Variants in STAM2 observed in about 807,000 individuals in gnomAD.
STAM2 encodes the protein signal transducing adapter molecule 2.
STAM2 carries 51 observed loss-of-function variants against 65.6 expected under a neutral mutation model. The ratio of observed to expected loss-of-function variants is 0.78; its 90% CI spans 0.62 to 0.98. STAM2 has a LOEUF of 0.98. Among genes scored for constraint, STAM2 ranks in the 50% least tolerant of loss-of-function variants. The probability of loss-of-function intolerance (pLI) is 0.00; values close to 1 mark genes in which losing one functional copy is unlikely to be tolerated. For synonymous variants in STAM2, 198 were observed against 208.4 expected, an observed-to-expected ratio of 0.95 and a Z score of 0.43; for missense variants, 584 against 617.8, an observed-to-expected ratio of 0.95 and a Z score of 0.58.
Position 152,164,843 on chromosome 2 carries a change from C to A in STAM2, c.40+10760G>T, listed in dbSNP as rs192246520. On this transcript the variant is annotated intron_variant, in intron 1 of 13. Coordinates refer to ENST00000263904, the MANE Select transcript of STAM2 (RefSeq NM_005843.6). ...AGGGGGAAAAACACATAAAAATTACCTTTTACTGTCCTTTAATATTTTAAA... is the reference window on the plus strand; with the variant it reads ...AGGGGGAAAAACACATAAAAATTACATTTTACTGTCCTTTAATATTTTAAA... Among the ~76,000 whole-genome samples the A allele has an allele frequency of 1.2e-3, 177 of 152,210 alleles. 1 individual carries two copies. The highest frequency in any genetic ancestry group is 2.4e-3 in the Admixed American group (36 of 15,280).
rs889280664 is a variant in STAM2, at chr2:152,143,884, A to G, written c.647T>C (p.Val216Ala). ...KVRALYDFEA[V>A]EDNELTFKHG... ...TTTAAAGGTGAGTTCATTGTCCTCA[A>G]CAGCTTCAAAATCATATAAAGCTCT... Residue 216 changes from valine (V) to alanine (A), a missense_variant, in exon 7 of 14, where the codon GTT becomes GCT. By Grantham distance (64) the Val-to-Ala change is moderately conservative. Coordinates refer to ENST00000263904, the MANE Select transcript of STAM2 (RefSeq NM_005843.6). The G allele has an allele frequency of 1.2e-6, 2 of 1,613,608 alleles. No homozygotes were observed. The highest frequency in any genetic ancestry group is 1.7e-5 in the Admixed American group (1 of 59,968).
At chr2:152,135,858 G>C (rs1481879629) in intron 7 of STAM2, among the ~76,000 whole-genome samples, 2 of 152,160 alleles carry the variant, frequency 1.3e-5, no homozygotes, top group Admixed American at 6.5e-5. Flanking sequence ...GGGAGGCCAA[G>C]GTGGACAGAT....
At chr2:152,131,374 A>C (rs1183105908) in intron 11 of STAM2, among the ~76,000 whole-genome samples, 1 of 151,902 alleles carries the variant, frequency 6.6e-6, no homozygotes, top group Non-Finnish European at 1.5e-5. Context: ...AATTGCTTGA[A>C]CCGGGGAGGC....
intron 1 of STAM2, among the ~76,000 whole-genome samples, chr2:152,162,827 T>C (rs1487514631): frequency 6.6e-6 from 1 of 151,706 alleles, no homozygotes; most frequent in Admixed American, 6.6e-5. Context: ...TTTTTAATTT[T>C]TGTATTTTTA....
chr2:152,164,502 C>T (rs1334870407), intron 1 of STAM2, among the ~76,000 whole-genome samples: 2 of 152,120 alleles, frequency 1.3e-5, no homozygotes, highest in Non-Finnish European at 2.9e-5. Context: ...GCCACCACGC[C>T]GGGCTAATTT....
chr2:152,156,268 T>C (rs1048586026), intron 1 of STAM2, among the ~76,000 whole-genome samples: 8 of 152,216 alleles, frequency 5.3e-5, no homozygotes, highest in Non-Finnish European at 7.3e-5. Context: ...AGACTCACAA[T>C]TACTCTTTTT....
At chr2:152,135,625 T>C in intron 7 of STAM2, 22 bp from the exon 8 acceptor site, 1 of 1,476,344 alleles carries the variant, frequency 6.8e-7, no homozygotes, top group Non-Finnish European at 9.4e-7. Flanking sequence ...GTGCAAAAAA[T>C]ATCATTTGTT....
rs573710581 is a variant in STAM2, at chr2:152,167,331, T to C, written c.40+8272A>G. Among the ~76,000 whole-genome samples, 8 of 152,276 alleles carry C rather than the reference T, an allele frequency of 5.3e-5. No homozygotes were observed. In the South Asian group the frequency reaches 1.0e-3, roughly 20 times the overall value. The stretch of plus-strand genomic sequence containing the variant: ...CAGAGAGGTGCTTGTCCTTTAAGCA[T>C]AGCAGCCACAGACCCATTAAGAAAA... On this transcript the variant is annotated intron_variant, in intron 1 of 13. Transcript: ENST00000263904.
In STAM2 at chr2:152,118,661, T is replaced by C. The variant is rs1688796245; in HGVS notation, c.*1913A>G. 2.0e-5 allele frequency: 3 copies of C among 151,868 alleles called. No individual in the cohort carries two copies. The highest frequency in any genetic ancestry group is 7.2e-5 in the African/African-American group (3 of 41,524). 9.4% of individuals were successfully genotyped at this position (151,868 alleles called of 1,614,324 possible). A position where few individuals can be genotyped will look rare whatever the true frequency, so the allele number is the denominator to read the frequency against. On this transcript the variant is annotated 3_prime_UTR_variant, in exon 14 of 14. Transcript: ENST00000263904. Reference sequence around the variant, plus strand: ...GAGAAAAAAAGTAAGAAATTCCATATATATGCAAATGTTGACTATTATCGA... The same window carrying C: ...GAGAAAAAAAGTAAGAAATTCCATACATATGCAAATGTTGACTATTATCGA...
At chr2:152,150,860 A>G (rs537929941) in intron 1 of STAM2, among the ~76,000 whole-genome samples, 69 of 152,212 alleles carry the variant, frequency 4.5e-4, no homozygotes, top group African/African-American at 1.5e-3. Flanking sequence ...ACTGTCCAAT[A>G]AAGCATTGGT....
Position 152,144,909 on chromosome 2 carries a change from CTT to C in STAM2, c.494_495del (p.Lys165ArgfsTer3), listed in dbSNP as rs754495705. The C allele has an allele frequency of 1.1e-5, 17 of 1,613,872 alleles. No individual in the cohort carries two copies. Among genetic ancestry groups the C allele is most frequent in the South Asian group, 3.3e-5 (3 of 91,068 alleles). Reference protein sequence around the residue: ...AKNGTSSNKNKEDEDIAKAIE... With the variant: ...AKNGTSSNKNXEDEDIAKAIE... Reference sequence around the variant, plus strand: ...TTACCTTTAGCTATGTCTTCATCCTCTTTGTTTTTGTTCGATGACGTACCATT... The same window carrying C: ...TTACCTTTAGCTATGTCTTCATCCTCTGTTTTTGTTCGATGACGTACCATT... On this transcript the variant is annotated frameshift_variant, in exon 6 of 14. Transcript: ENST00000263904. LOFTEE classifies it high-confidence loss of function.
At chr2:152,144,082 G>T in intron 6 of STAM2, 69 bp from the exon 7 acceptor site, 8 of 1,167,702 alleles carry the variant, frequency 6.9e-6, no homozygotes, top group East Asian at 4.8e-5. Context: ...AGATGACAAT[G>T]TAAAATTTAA....
chr2:152,153,885 TACAC>T (rs70974824), intron 1 of STAM2, among the ~76,000 whole-genome samples: 4,127 of 144,858 alleles, frequency 0.028, 95 homozygotes, highest in African/African-American at 0.058. Flanking sequence ...AGACATTACA[TACAC>T]ACACACACAC....
intron 10 of STAM2, among the ~76,000 whole-genome samples, chr2:152,132,402 T>A (rs1357191947): frequency 6.6e-6 from 1 of 152,200 alleles, no homozygotes; most frequent in African/African-American, 2.4e-5. Context: ...AACTATTAAC[T>A]AAGTTGACAG....
At chr2:152,171,597 T>C (rs538462381) in intron 1 of STAM2, among the ~76,000 whole-genome samples, 1 of 152,372 alleles carries the variant, frequency 6.6e-6, no homozygotes, top group South Asian at 2.1e-4. Flanking sequence ...TGCATTTCAC[T>C]GGAGAAAGTC....
rs1579305717 is a variant in STAM2 at position 152,118,072 on chromosome 2, T to C, written c.*2502A>G. ...TGCATTAATAAAATTCATTCTATTA[T>C]AAATTTTCAGGAATTCTTTCTGATG... On this transcript the variant is annotated 3_prime_UTR_variant, in exon 14 of 14. Transcript: ENST00000263904. 3 of 152,254 alleles carry C rather than the reference T, an allele frequency of 2.0e-5. No individual in the cohort carries two copies. In the East Asian group the frequency reaches 5.8e-4, roughly 29 times the overall value. The allele number at this position is 152,254 out of a possible 1,614,324, so 9.4% of individuals were successfully genotyped here. A position where few individuals can be genotyped will look rare whatever the true frequency, so the allele number is the denominator to read the frequency against.
rs940203404 is a variant in STAM2, at chr2:152,149,013, C to A, written c.126-713G>T. On this transcript the variant is annotated intron_variant, in intron 2 of 13. Coordinates refer to ENST00000263904, the MANE Select transcript of STAM2 (RefSeq NM_005843.6). ...ACTATGAAAAGCTTTAATGTTAAAACAAATGCTTTCATCACTCTTCTAAAT... is the reference window on the plus strand; with the variant it reads ...ACTATGAAAAGCTTTAATGTTAAAAAAAATGCTTTCATCACTCTTCTAAAT... Among the ~76,000 whole-genome samples, 4 of 152,270 alleles carry A rather than the reference C, an allele frequency of 2.6e-5. No individual in the cohort carries two copies. In the East Asian group the frequency reaches 7.7e-4, roughly 29 times the overall value.
At chr2:152,168,147 CTT>C (rs2105569104) in intron 1 of STAM2, among the ~76,000 whole-genome samples, 1 of 149,888 alleles carries the variant, frequency 6.7e-6, no homozygotes, top group South Asian at 2.1e-4. Context: ...ACCCTACATA[CTT>C]ATATACAAGG....
In STAM2 at chr2:152,144,922, C is replaced by T. The variant is rs554752362; in HGVS notation, c.483G>A (p.Ser161=). ...VSAAAKNGTS[S]NKNKEDEDIA... is the part of the protein sequence containing the mutation. ...TGTCTTCATCCTCTTTGTTTTTGTT[C>T]GATGACGTACCATTCTTGGCAGCAG... Residue 161 remains serine, a synonymous_variant, in exon 6 of 14, where the codon TCG becomes TCA. Transcript: ENST00000263904. 2.0e-5 allele frequency: 32 copies of T among 1,613,836 alleles called. No individual in the cohort carries two copies. Among genetic ancestry groups the T allele is most frequent in the South Asian group, 5.5e-5 (5 of 91,044 alleles).
Sources: allele counts gnomAD v4.1 joint callset (sites outside exome capture counted in the v4.1 genomes callset), GRCh38; gene constraint gnomAD v4.1.1; transcripts MANE v1.5; gene names NCBI Gene and HGNC (gene_info 2026-07-23, HGNC 2026-07-21).